Variants in NRXN1 observed in about 807,000 individuals in gnomAD.
The protein encoded by NRXN1 is neurexin 1.
A neutral mutation model predicts 150.9 loss-of-function variants in NRXN1; 39 were observed. That is an observed-to-expected ratio of 0.26 (90% CI 0.20 to 0.34). The LOEUF is 0.34. NRXN1 is among the 10% of genes least tolerant of loss of function. The pLI is 1.00. For synonymous variants in NRXN1, 924 were observed against 757.0 expected (o/e 1.22, Z -3.62); for missense variants, 1,815 against 1,949.9 (o/e 0.93, Z 1.30).
At chr2:50,531,106 G>T in intron 11 of NRXN1, 121 bp downstream of exon 11, 1 of 691,976 alleles carries the variant, frequency 1.4e-6, no homozygotes, top group Non-Finnish European at 2.4e-6. Flanking sequence ...TTAAATGATG[G>T]AAATAAGACC....
intron 8 of NRXN1, 35 bp downstream of exon 8, chr2:50,619,987 G>C: frequency 6.6e-7 from 1 of 1,520,306 alleles, no homozygotes; most frequent in Non-Finnish European, 8.9e-7. Context: ...ATGAGACCAT[G>C]AATTAGGAAT....
At chr2:50,330,743 G>A (rs2076787573) in intron 17 of NRXN1, among the ~76,000 whole-genome samples, 1 of 152,188 alleles carries the variant, frequency 6.6e-6, no homozygotes, top group African/African-American at 2.4e-5. Context: ...CTCAGAGGTT[G>A]TTTACTGCCA....
At chr2:50,546,273 C>T (rs1288863522) in intron 9 of NRXN1, among the ~76,000 whole-genome samples, 1 of 152,142 alleles carries the variant, frequency 6.6e-6, no homozygotes, top group Non-Finnish European at 1.5e-5. Context: ...CTGCCTCCAT[C>T]TTTACAGTGG....
At chr2:50,651,286 T>C (rs1322542026) in intron 5 of NRXN1, among the ~76,000 whole-genome samples, 3 of 151,976 alleles carry the variant, frequency 2.0e-5, no homozygotes, top group Admixed American at 6.6e-5. Context: ...ACTCTTGAGC[T>C]TTATGAGATT....
chr2:50,650,753 C>G (rs1335839473), intron 5 of NRXN1, among the ~76,000 whole-genome samples: 1 of 152,076 alleles, frequency 6.6e-6, no homozygotes, highest in East Asian at 1.9e-4. Context: ...ATCAGTCTCT[C>G]ATAGCCTATT....
chr2:50,922,320 C>T (rs1686164048), intron 4 of NRXN1, among the ~76,000 whole-genome samples: 1 of 151,796 alleles, frequency 6.6e-6, no homozygotes, highest in Non-Finnish European at 1.5e-5. Context: ...CAGACAGCAA[C>T]TTCTGATGGT....
At chr2:50,448,956 T>A (rs542814414) in intron 17 of NRXN1, among the ~76,000 whole-genome samples, 93 of 152,318 alleles carry the variant, frequency 6.1e-4, no homozygotes, top group African/African-American at 2.1e-3. Context: ...GCTGGATATT[T>A]ATTTTTTCAT....
intron 5 of NRXN1, among the ~76,000 whole-genome samples, chr2:50,706,709 G>T (rs1464632653): frequency 1.3e-5 from 2 of 151,758 alleles, no homozygotes; most frequent in African/African-American, 4.8e-5. Flanking sequence ...TCTATAAAAT[G>T]TTATTGTTAA....
At chr2:50,404,301 T>G (rs1020935526) in intron 17 of NRXN1, among the ~76,000 whole-genome samples, 1 of 152,084 alleles carries the variant, frequency 6.6e-6, no homozygotes, top group Admixed American at 6.6e-5. Context: ...TATAAAAGTA[T>G]CCATTCTCCT....
intron 5 of NRXN1, among the ~76,000 whole-genome samples, chr2:50,771,125 CTGCAGAT>C (rs1174517697): frequency 6.6e-6 from 1 of 152,016 alleles, no homozygotes; most frequent in Non-Finnish European, 1.5e-5. Context: ...AAAAAACGGA[CTGCAGAT>C]TGTACTGAAG....
chr2:50,056,182 A>C (rs1287805134), intron 19 of NRXN1, among the ~76,000 whole-genome samples: 1 of 152,190 alleles, frequency 6.6e-6, no homozygotes, highest in East Asian at 1.9e-4. Context: ...CACTATCTGC[A>C]TAAAAAGACT....
At chr2:50,312,062 G>C (rs1262258727) in intron 17 of NRXN1, among the ~76,000 whole-genome samples, 1 of 152,048 alleles carries the variant, frequency 6.6e-6, no homozygotes, top group East Asian at 1.9e-4. Flanking sequence ...GATTGTTAGT[G>C]TTAACCACTG....
At chr2:50,856,267 CA>C (rs1334072843) in intron 5 of NRXN1, among the ~76,000 whole-genome samples, 1 of 151,918 alleles carries the variant, frequency 6.6e-6, no homozygotes, top group Non-Finnish European at 1.5e-5. Flanking sequence ...TGAGGACCTT[CA>C]GGGGATTATC....
chr2:50,098,841 T>TTTGG (rs1700609529), intron 18 of NRXN1, among the ~76,000 whole-genome samples: 5 of 8,044 alleles, frequency 6.2e-4, no homozygotes, highest in Middle Eastern at 0.045. Context: ...TTTTTTTTTT[T>TTTGG]TTTTTTTTTT....
Position 50,653,377 on chromosome 2 carries a change from T to C in NRXN1, c.833-29762A>G, listed in dbSNP as rs927959449. Among the ~76,000 whole-genome samples the C allele has an allele frequency of 5.3e-5, 8 of 152,142 alleles. No individual in the cohort carries two copies. The East Asian group carries it at 1.2e-3, about 22-fold the overall frequency. ...AGTCAATGTTTGCCTTATATAGTCG[T>C]ATTTGGCAGCTTTCAGTCTCTTAAT... On this transcript the variant is annotated intron_variant, in intron 5 of 22. Coordinates refer to ENST00000401669, the MANE Select transcript of NRXN1 (RefSeq NM_001330078.2).
In NRXN1 at chr2:50,623,505, G is replaced by A; in HGVS notation, c.943C>T (p.Leu315Phe). ...TGAAGCATCAGTCCATTCCTCTGAA[G>A]GGTTTTAAATGACAGAGTTATTTCA... The part of the protein sequence containing the change: ...SDEITLSFKT[L>F]QRNGLMLHTG... The change falls in exon 6 of 23, where the codon CTT becomes TTT. Residue 315 changes from leucine (L) to phenylalanine (F), a missense_variant. Around this residue, in one of 6 missense-constraint regions of NRXN1, gnomAD observed 554 missense variants for 478.8 expected, o/e 1.16. Transcript: ENST00000401669. 6.2e-7 allele frequency: 1 copy of A among 1,613,388 alleles called. No homozygotes were observed. Among genetic ancestry groups the A allele is most frequent in the Non-Finnish European group, 8.5e-7 (1 of 1,179,500 alleles).
At chr2:50,299,018 G>A (rs2073903049) in intron 17 of NRXN1, among the ~76,000 whole-genome samples, 1 of 152,106 alleles carries the variant, frequency 6.6e-6, no homozygotes, top group South Asian at 2.1e-4. Flanking sequence ...AGGAGAAAAT[G>A]CCATCCTTTT....
chr2:50,142,928 G>A (rs1707480848), intron 18 of NRXN1, among the ~76,000 whole-genome samples: 1 of 151,884 alleles, frequency 6.6e-6, no homozygotes, highest in Non-Finnish European at 1.5e-5. Flanking sequence ...ATGTCAAGCA[G>A]ACTGTTTGCC....
At chr2:50,348,835 G>T (rs77980242) in intron 17 of NRXN1, among the ~76,000 whole-genome samples, 2,797 of 146,428 alleles carry the variant, frequency 0.019, 95 homozygotes, top group African/African-American at 0.069. Flanking sequence ...CCAGTGGCTG[G>T]ACTTTTTTTT....
Sources: allele counts gnomAD v4.1 joint callset (sites outside exome capture counted in the v4.1 genomes callset), GRCh38; gene constraint gnomAD v4.1.1; regional missense constraint gnomAD v4.1.1; transcripts MANE v1.5; gene names NCBI Gene and HGNC (gene_info 2026-07-23, HGNC 2026-07-21).